The following DEPDC1B variants were observed in gnomAD, a reference collection of about 807,000 sequenced individuals.
The protein encoded by DEPDC1B is DEP domain-containing protein 1B.
In DEPDC1B, 51 loss-of-function variants were observed where a neutral mutation model predicts 66.5. That is an observed-to-expected ratio of 0.77 (90% CI 0.61 to 0.97). The LOEUF (loss-of-function observed/expected upper bound fraction) is 0.97, where lower values mean the gene tolerates loss of function less well. DEPDC1B is among the 50% of genes least tolerant of loss of function. The pLI, the probability that DEPDC1B is intolerant of heterozygous loss-of-function variation, is 0.00. For synonymous variants in DEPDC1B, 226 were observed against 223.6 expected, an observed-to-expected ratio of 1.01 and a Z score of -0.10; for missense variants, 552 against 637.1, an observed-to-expected ratio of 0.87 and a Z score of 1.44.
chr5:60,668,411 A>C (rs1001057534), intron 2 of DEPDC1B, among the ~76,000 whole-genome samples: 1 of 151,054 alleles, frequency 6.6e-6, no homozygotes, highest in Non-Finnish European at 1.5e-5. Flanking sequence ...AGTAGCTTGG[A>C]CTACAGGTGT....
At chr5:60,641,872 T>C (rs1753199157) in intron 6 of DEPDC1B, among the ~76,000 whole-genome samples, 1 of 152,152 alleles carries the variant, frequency 6.6e-6, no homozygotes. Context: ...TCAGAGAACC[T>C]TGGGCTTCAC....
intron 7 of DEPDC1B, among the ~76,000 whole-genome samples, chr5:60,626,214 T>C (rs976854958): frequency 6.6e-6 from 1 of 152,190 alleles, no homozygotes; most frequent in African/African-American, 2.4e-5. Flanking sequence ...CTTAGAATAA[T>C]GTTTCCAAGA....
rs148745733 is a variant in DEPDC1B, at chr5:60,641,020, G to A, written c.757+1792C>T. Among the ~76,000 whole-genome samples the A allele has an allele frequency of 8.1e-4, 124 of 152,274 alleles. 1 individual carries two copies. The highest frequency in any genetic ancestry group is 2.9e-3 in the African/African-American group (121 of 41,552). ...TACAGATATGCCAGCCACTCATAAA[G>A]CATAGTACTTGATACATATGAGACA... On this transcript the variant is annotated intron_variant, in intron 6 of 10. Transcript: ENST00000265036.
At chr5:60,598,313 T>C (rs1752135930) in intron 10 of DEPDC1B, among the ~76,000 whole-genome samples, 1 of 152,174 alleles carries the variant, frequency 6.6e-6, no homozygotes, top group Non-Finnish European at 1.5e-5. Flanking sequence ...TTCTGGTGTA[T>C]ATTACTTTGT....
At chr5:60,603,297 T>G (rs980868570) in intron 9 of DEPDC1B, 94 bp downstream of exon 9, 1 of 1,204,780 alleles carries the variant, frequency 8.3e-7, no homozygotes. Flanking sequence ...ATTAATTCAC[T>G]TAATCCTCAT....
chr5:60,636,342 A>G (rs1753043371), intron 7 of DEPDC1B, among the ~76,000 whole-genome samples: 1 of 152,218 alleles, frequency 6.6e-6, no homozygotes, highest in Non-Finnish European at 1.5e-5. Context: ...AGTGATGACT[A>G]ACTGCTCTCA....
At chr5:60,616,029 C>T (rs1006890911) in intron 7 of DEPDC1B, among the ~76,000 whole-genome samples, 2 of 152,210 alleles carry the variant, frequency 1.3e-5, no homozygotes, top group Non-Finnish European at 2.9e-5. Flanking sequence ...CCCAGGCAAA[C>T]AGGGTCTGGA....
intron 2 of DEPDC1B, among the ~76,000 whole-genome samples, chr5:60,651,317 C>G (rs1753445635): frequency 6.6e-6 from 1 of 152,090 alleles, no homozygotes; most frequent in Non-Finnish European, 1.5e-5. Flanking sequence ...TGTCTGAGGT[C>G]AGGAATTCGA....
intron 1 of DEPDC1B, among the ~76,000 whole-genome samples, chr5:60,699,025 A>C (rs1462038791): frequency 6.6e-6 from 1 of 152,122 alleles, no homozygotes; most frequent in Non-Finnish European, 1.5e-5. Context: ...TTAAAAAGTA[A>C]AGACCCATCA....
At chr5:60,654,824 T>C (rs1753540080) in intron 2 of DEPDC1B, among the ~76,000 whole-genome samples, 1 of 149,060 alleles carries the variant, frequency 6.7e-6, no homozygotes, top group African/African-American at 2.5e-5. Flanking sequence ...TTGCTGAAGA[T>C]TTCAATCATA....
At chr5:60,623,482 C>CTCT (rs1752751604) in intron 7 of DEPDC1B, among the ~76,000 whole-genome samples, 1 of 152,080 alleles carries the variant, frequency 6.6e-6, no homozygotes, top group African/African-American at 2.4e-5. Context: ...CTCCTTTTCT[C>CTCT]CACATTGTTT....
intron 2 of DEPDC1B, among the ~76,000 whole-genome samples, chr5:60,684,157 G>A (rs2112024635): frequency 6.6e-6 from 1 of 152,262 alleles, no homozygotes; most frequent in Middle Eastern, 3.4e-3. Context: ...ATTTAATACT[G>A]TTAAAATGAC....
At chr5:60,687,304 A>C (rs929027049) in intron 1 of DEPDC1B, 77 bp from the exon 2 acceptor site, 2 of 1,499,462 alleles carry the variant, frequency 1.3e-6, no homozygotes, top group African/African-American at 2.8e-5. Flanking sequence ...TAATTAAAGC[A>C]AAGAATGCAA....
chr5:60,633,089 T>C (rs1048287410), intron 7 of DEPDC1B, among the ~76,000 whole-genome samples: 2 of 152,232 alleles, frequency 1.3e-5, no homozygotes, highest in Non-Finnish European at 2.9e-5. Context: ...CTTAAGGCAA[T>C]AGTTAATAGC....
intron 1 of DEPDC1B, among the ~76,000 whole-genome samples, chr5:60,697,333 T>G (rs958823678): frequency 1.3e-5 from 2 of 152,114 alleles, no homozygotes; most frequent in Non-Finnish European, 2.9e-5. Context: ...GAAAGTAAAG[T>G]GAGCCATGAA....
intron 2 of DEPDC1B, among the ~76,000 whole-genome samples, chr5:60,655,540 G>A (rs1753557285): frequency 6.7e-6 from 1 of 148,732 alleles, no homozygotes; most frequent in Admixed American, 6.7e-5. Flanking sequence ...CTTACTAATG[G>A]TCTATTGATT....
chr5:60,664,482 G>A (rs544760761), intron 2 of DEPDC1B, among the ~76,000 whole-genome samples: 3 of 152,298 alleles, frequency 2.0e-5, no homozygotes, highest in East Asian at 1.9e-4. Context: ...CCAGTGCTGC[G>A]ACTGTGCACT....
At chr5:60,617,495 C>T (rs758549917) in intron 7 of DEPDC1B, among the ~76,000 whole-genome samples, 1 of 152,090 alleles carries the variant, frequency 6.6e-6, no homozygotes, top group Non-Finnish European at 1.5e-5. Flanking sequence ...ATCCTAGTCT[C>T]TGATAAAACA....
At chr5:60,646,699 A>T (rs924438433) in intron 3 of DEPDC1B, among the ~76,000 whole-genome samples, 1 of 152,220 alleles carries the variant, frequency 6.6e-6, no homozygotes, top group Non-Finnish European at 1.5e-5. Context: ...ATAAGGAACC[A>T]GGCTGCACAG....
Sources: allele counts gnomAD v4.1 joint callset (sites outside exome capture counted in the v4.1 genomes callset), GRCh38; gene constraint gnomAD v4.1.1; transcripts MANE v1.5; gene names NCBI Gene and HGNC (gene_info 2026-07-23, HGNC 2026-07-21).